The following LRRTM4 variants were observed in gnomAD, a reference collection of about 807,000 sequenced individuals.
LRRTM4 encodes leucine-rich repeat transmembrane neuronal protein 4.
LRRTM4 carries 25 observed loss-of-function variants against 47.6 expected under a neutral mutation model. That is an observed-to-expected ratio of 0.53 (90% CI 0.38 to 0.73). LRRTM4 has a LOEUF of 0.73. LRRTM4 is among the 30% of genes least tolerant of loss of function. The pLI, the probability that LRRTM4 is intolerant of heterozygous loss-of-function variation, is 0.00. For synonymous variants in LRRTM4, 311 were observed against 269.5 expected, an observed-to-expected ratio of 1.15 and a Z score of -1.51; for missense variants, 638 against 713.4, an observed-to-expected ratio of 0.89 and a Z score of 1.20.
At chr2:77,521,539 C>A in intron 2 of LRRTM4, 129 bp downstream of exon 2, 1 of 1,013,744 alleles carries the variant, frequency 9.9e-7, no homozygotes, top group Non-Finnish European at 1.5e-6. Flanking sequence ...TATAGTGAAT[C>A]AACTGGCAAA....
At chr2:77,422,952 C>T (rs1674960286) in intron 3 of LRRTM4, among the ~76,000 whole-genome samples, 1 of 151,992 alleles carries the variant, frequency 6.6e-6, no homozygotes, top group Admixed American at 6.6e-5. Flanking sequence ...AGGGAAAAAA[C>T]ATATAATGAA....
intron 3 of LRRTM4, among the ~76,000 whole-genome samples, chr2:76,833,976 TA>T (rs1005472293): frequency 1.1e-4 from 17 of 151,402 alleles, no homozygotes; most frequent in African/African-American, 3.6e-4. Flanking sequence ...TATTGAATGA[TA>T]ACCAGGACTT....
intron 3 of LRRTM4, among the ~76,000 whole-genome samples, chr2:77,237,913 G>T (rs1675148691): frequency 6.6e-6 from 1 of 152,094 alleles, no homozygotes; most frequent in African/African-American, 2.4e-5. Flanking sequence ...CCATGGGGCT[G>T]GTTCTGGATC....
chr2:76,944,841 A>G (rs2103871433), intron 3 of LRRTM4, among the ~76,000 whole-genome samples: 1 of 152,200 alleles, frequency 6.6e-6, no homozygotes, highest in East Asian at 1.9e-4. Flanking sequence ...GTGATTTAGA[A>G]AACAATCAGA....
intron 3 of LRRTM4, among the ~76,000 whole-genome samples, chr2:76,779,457 C>T (rs1442239305): frequency 6.7e-6 from 1 of 148,166 alleles, no homozygotes; most frequent in East Asian, 2.0e-4. Context: ...GTATTGGGTG[C>T]ATATATATTT....
chr2:77,082,447 G>C (rs1680563059), intron 3 of LRRTM4, among the ~76,000 whole-genome samples: 1 of 151,984 alleles, frequency 6.6e-6, no homozygotes. Flanking sequence ...AATAAATTTA[G>C]AAACAACGTT....
At chr2:77,408,192 G>A (rs1295180989) in intron 3 of LRRTM4, among the ~76,000 whole-genome samples, 4 of 152,238 alleles carry the variant, frequency 2.6e-5, no homozygotes, top group Non-Finnish European at 4.4e-5. Flanking sequence ...CCCCCAGGGG[G>A]AGTGCTTTTT....
chr2:77,310,330 A>T (rs1279928126), intron 3 of LRRTM4, among the ~76,000 whole-genome samples: 2 of 145,404 alleles, frequency 1.4e-5, no homozygotes, highest in Non-Finnish European at 3.0e-5. Context: ...ACACACATAC[A>T]TATATATATA....
chr2:77,019,253 CAAAAAAAAAA>C (rs56028060), intron 3 of LRRTM4, among the ~76,000 whole-genome samples: 4 of 80,564 alleles, frequency 5.0e-5, no homozygotes, highest in Admixed American at 1.4e-4. Context: ...CACTGCTCTA[CAAAAAAAAAA>C]AAAAAAAAAA....
In LRRTM4 at chr2:77,103,174, CTG is replaced by C. The variant is rs367578941; in HGVS notation, c.1552-354260_1552-354259del. Among the ~76,000 whole-genome samples, 7 of 152,150 alleles carry C rather than the reference CTG, an allele frequency of 4.6e-5. No homozygotes were observed. The South Asian group carries it at 1.0e-3, about 23-fold the overall frequency. The stretch of plus-strand genomic sequence containing the variant: ...ATTTGGGGGCAGAGACAGCAGCAGA[CTG>C]TGGTTCAGAGGTAGAAGGCACTGCC... On this transcript the variant is annotated intron_variant, in intron 3 of 3. Transcript: ENST00000409884.
chr2:76,893,974 G>A (rs149487370), intron 3 of LRRTM4, among the ~76,000 whole-genome samples: 5 of 151,830 alleles, frequency 3.3e-5, no homozygotes, highest in Non-Finnish European at 5.9e-5. Flanking sequence ...ATGAGGATAA[G>A]TTTGACACAG....
intron 3 of LRRTM4, among the ~76,000 whole-genome samples, chr2:77,213,134 CAA>C (rs1674340804): frequency 6.6e-6 from 1 of 152,070 alleles, no homozygotes; most frequent in Non-Finnish European, 1.5e-5. Flanking sequence ...TACCAGGAAA[CAA>C]AAGAGACTGG....
intron 3 of LRRTM4, among the ~76,000 whole-genome samples, chr2:77,419,776 TATA>T (rs1674798476): frequency 6.6e-6 from 1 of 151,860 alleles, no homozygotes; most frequent in Non-Finnish European, 1.5e-5. Flanking sequence ...AATAAAAGCA[TATA>T]ATATTTTATA....
At chr2:77,148,257 C>T (rs1672311644) in intron 3 of LRRTM4, among the ~76,000 whole-genome samples, 1 of 152,070 alleles carries the variant, frequency 6.6e-6, no homozygotes, top group South Asian at 2.1e-4. Context: ...TTTGAGAATG[C>T]CTTGGGTGTC....
chr2:77,311,036 TGA>T (rs991831553), intron 3 of LRRTM4, among the ~76,000 whole-genome samples: 31 of 151,428 alleles, frequency 2.0e-4, no homozygotes, highest in Non-Finnish European at 3.7e-4. Context: ...TGTGTGTGTG[TGA>T]GAGATATTTA....
chr2:77,437,686 A>C (rs1423436446), intron 3 of LRRTM4, among the ~76,000 whole-genome samples: 1 of 152,116 alleles, frequency 6.6e-6, no homozygotes, highest in Non-Finnish European at 1.5e-5. Flanking sequence ...TTTGATAGAA[A>C]ATGTAAGGCC....
At chr2:77,313,565 C>G (rs1677534238) in intron 3 of LRRTM4, among the ~76,000 whole-genome samples, 1 of 152,186 alleles carries the variant, frequency 6.6e-6, no homozygotes, top group African/African-American at 2.4e-5. Context: ...CTACCTTTCC[C>G]TTCATCCCAG....
At chr2:77,297,565 C>T (rs567761695) in intron 3 of LRRTM4, among the ~76,000 whole-genome samples, 1 of 152,120 alleles carries the variant, frequency 6.6e-6, no homozygotes, top group East Asian at 1.9e-4. Context: ...TATTTCTATG[C>T]CTTTGGACCC....
chr2:76,771,344 G>GA (rs1673694808), intron 3 of LRRTM4, among the ~76,000 whole-genome samples: 1 of 152,168 alleles, frequency 6.6e-6, no homozygotes, highest in Admixed American at 6.5e-5. Context: ...GCAGGAATGA[G>GA]ATAGAAGAAA....
Sources: gnomAD v4.1 joint callset for allele counts (sites outside exome capture counted in the v4.1 genomes callset) on GRCh38, gnomAD v4.1.1 for gene constraint, MANE v1.5 for transcripts, NCBI Gene and HGNC (gene_info 2026-07-23, HGNC 2026-07-21) for gene names.